The following MYL12A variants were observed in gnomAD, a reference collection of about 807,000 sequenced individuals.
The protein encoded by MYL12A is myosin regulatory light chain 12A.
In MYL12A, 11 loss-of-function variants were observed where a neutral mutation model predicts 13.3. That is an observed-to-expected ratio of 0.83 (90% confidence interval 0.52 to 1.37). The LOEUF (loss-of-function observed/expected upper bound fraction) is 1.37, where lower values mean the gene tolerates loss of function less well. MYL12A is among the 40% of genes most tolerant of loss of function. The pLI is 0.00. For synonymous variants in MYL12A, 51 were observed against 69.9 expected (o/e 0.73, Z 1.35); for missense variants, 146 against 212.3 (o/e 0.69, Z 1.94).
At chr18:3,255,711 G>A in intron 3 of MYL12A, 35 bp from the exon 4 acceptor site, 1 of 1,591,756 alleles carries the variant, frequency 6.3e-7, no homozygotes, top group Non-Finnish European at 8.6e-7. Context: ...CCTCAGAATA[G>A]TATGTATTCT....
intron 1 of MYL12A, among the ~76,000 whole-genome samples, chr18:3,248,851 T>C (rs752602188): frequency 7.2e-5 from 11 of 152,134 alleles, no homozygotes; most frequent in Non-Finnish European, 1.5e-4. Flanking sequence ...TTGGTTTACT[T>C]GGAACGGAAG....
chr18:3,249,896 C>G (rs2081467567), intron 1 of MYL12A: 1 of 147,658 alleles, frequency 6.8e-6, no homozygotes, highest in South Asian at 2.2e-4. Flanking sequence ...GACTCCGTCT[C>G]AAAAATAAAT....
intron 2 of MYL12A, 170 bp from the exon 3 acceptor site, chr18:3,253,717 CTT>C: frequency 1.3e-6 from 1 of 755,052 alleles, no homozygotes; most frequent in Non-Finnish European, 2.1e-6. Context: ...TTTCCAGACT[CTT>C]TAATAGGCCC....
At chr18:3,255,423 C>T (rs192195452) in intron 3 of MYL12A, 96 of 194,810 alleles carry the variant, frequency 4.9e-4, no homozygotes, top group African/African-American at 2.0e-3. Flanking sequence ...TTGAAGGAAC[C>T]GTAAGGCTTA....
chr18:3,252,870 G>A (rs746363097), intron 1 of MYL12A, among the ~76,000 whole-genome samples: 4 of 152,166 alleles, frequency 2.6e-5, no homozygotes, highest in Non-Finnish European at 5.9e-5. Flanking sequence ...CCGTACTATG[G>A]AATAGCCAGT....
At chr18:3,248,067 T>C (rs562566844) in intron 1 of MYL12A, 158 bp downstream of exon 1, 2 of 152,072 alleles carry the variant, frequency 1.3e-5, no homozygotes, top group Non-Finnish European at 2.9e-5. Flanking sequence ...TGGCTTGGAG[T>C]GGCCCAGACC....
chr18:3,252,308 C>T, intron 1 of MYL12A: 1 of 1,532,898 alleles, frequency 6.5e-7, no homozygotes, highest in Non-Finnish European at 8.7e-7. Flanking sequence ...ACCATCTTCC[C>T]TGCAACTCTG....
intron 1 of MYL12A, chr18:3,249,217 A>C (rs989278778): frequency 6.6e-6 from 1 of 152,240 alleles, no homozygotes; most frequent in African/African-American, 2.4e-5. Context: ...CATTTTATAA[A>C]TGAACATAGT....
chr18:3,249,577 A>G (rs1299456419), intron 1 of MYL12A: 2 of 152,108 alleles, frequency 1.3e-5, no homozygotes, highest in African/African-American at 4.8e-5. Context: ...TACAACAGAC[A>G]CTCCTTGACA....
chr18:3,252,540 T>C (rs2081496427), intron 1 of MYL12A: 9 of 1,110,250 alleles, frequency 8.1e-6, no homozygotes, highest in Non-Finnish European at 3.6e-6. Context: ...TTTAAAATTA[T>C]TTTAAAAGCT....
At chr18:3,251,676 A>G (rs897018906) in intron 1 of MYL12A, among the ~76,000 whole-genome samples, 5 of 152,314 alleles carry the variant, frequency 3.3e-5, no homozygotes, top group African/African-American at 1.2e-4. Context: ...TGTGAATGGG[A>G]TTTACTACCC....
Position 3,255,942 on chromosome 18 carries a change from C to G in MYL12A, c.*24C>G. On this transcript the variant is annotated 3_prime_UTR_variant, in exon 4 of 4. Coordinates refer to ENST00000217652, the MANE Select transcript of MYL12A (RefSeq NM_006471.4). ...GAAATAACTTCAAATTCCAGCCAAA[C>G]GTTCCTTGTTGCCACTTTGGGTATT... 2 of 1,610,350 alleles carry G rather than the reference C, an allele frequency of 1.2e-6. No individual in the cohort carries two copies. Among genetic ancestry groups the G allele is most frequent in the Non-Finnish European group, 1.7e-6 (2 of 1,178,106 alleles).
chr18:3,251,841 T>C (rs183198303), intron 1 of MYL12A, among the ~76,000 whole-genome samples: 1 of 152,338 alleles, frequency 6.6e-6, no homozygotes, highest in Admixed American at 6.5e-5. Flanking sequence ...TTCAACAATA[T>C]ATTCCAGTTG....
At chr18:3,255,116 C>T (rs537873590) in intron 3 of MYL12A, among the ~76,000 whole-genome samples, 2 of 152,344 alleles carry the variant, frequency 1.3e-5, no homozygotes, top group East Asian at 3.9e-4. Flanking sequence ...AGCACAGTGC[C>T]TGCCACATAG....
intron 1 of MYL12A, chr18:3,249,501 C>A (rs2081463029): frequency 6.6e-6 from 1 of 152,246 alleles, no homozygotes; most frequent in Non-Finnish European, 1.5e-5. Flanking sequence ...TCCACTTTCT[C>A]ATGCATCTGA....
chr18:3,254,345 T>C (rs2081517253), intron 3 of MYL12A, among the ~76,000 whole-genome samples: 1 of 152,216 alleles, frequency 6.6e-6, no homozygotes, highest in Admixed American at 6.5e-5. Context: ...AAAAAACTTT[T>C]ACCAGAATAA....
Position 3,256,090 on chromosome 18 carries a change from A to T in MYL12A, c.*172A>T. 2 of 796,072 alleles carry T rather than the reference A, an allele frequency of 2.5e-6. No homozygotes were observed. Among genetic ancestry groups the T allele is most frequent in the Non-Finnish European group, 3.9e-6 (2 of 511,190 alleles). 49.3% of individuals were successfully genotyped at this position (796,072 alleles called of 1,614,324 possible). A position where few individuals can be genotyped will look rare whatever the true frequency, so the allele number is the denominator to read the frequency against. On this transcript the variant is annotated 3_prime_UTR_variant, in exon 4 of 4. Transcript: ENST00000217652. ...ACTGGAAACGGGACTTTCTATTAAT[A>T]TCATTTTCAGAATAAAAAATAGGAT... is the stretch of plus-strand genomic sequence containing the variant.
chr18:3,253,285 G>A lies in MYL12A; in HGVS notation c.38G>A (p.Arg13His), dbSNP rs377664383. ...SKRTKTKTKK[R>H]PQRATSNVFA... ...AGAACAAAGACCAAGACCAAGAAGC[G>A]CCCTCAGCGTGCAACATCCAATGTG... Residue 13 changes from arginine to histidine, a missense_variant, in exon 2 of 4, where the codon CGC becomes CAC. Coordinates refer to ENST00000217652, the MANE Select transcript of MYL12A (RefSeq NM_006471.4). The A allele has an allele frequency of 5.6e-6, 9 of 1,613,816 alleles. 1 individual carries two copies. Among genetic ancestry groups the A allele is most frequent in the East Asian group, 4.5e-5 (2 of 44,884 alleles).
chr18:3,248,595 C>A (rs374953198), intron 1 of MYL12A: 1 of 152,200 alleles, frequency 6.6e-6, no homozygotes, highest in East Asian at 1.9e-4. Flanking sequence ...AACTTAAGTG[C>A]AAAAAGTTTC....
Sources: allele counts gnomAD v4.1 joint callset (sites outside exome capture counted in the v4.1 genomes callset), GRCh38; gene constraint gnomAD v4.1.1; transcripts MANE v1.5; gene names NCBI Gene and HGNC (gene_info 2026-07-23, HGNC 2026-07-21).